Variants in FHIP2A observed in about 807,000 individuals in gnomAD.
FHIP2A encodes the protein family with sequence similarity 160 member B1.
Under a neutral mutation model 93.5 loss-of-function variants are expected in FHIP2A, and 46 were observed. That is an observed-to-expected ratio of 0.49 (90% CI 0.39 to 0.63). The LOEUF (loss-of-function observed/expected upper bound fraction) is 0.63, where lower values mean the gene tolerates loss of function less well. Ranked by LOEUF, FHIP2A falls within the 20% of genes least tolerant of loss-of-function variation. FHIP2A has a pLI of 0.00. For missense variants in FHIP2A, 769 were observed against 909.7 expected (o/e 0.85, Z 1.99); for synonymous variants, 332 against 326.5 (o/e 1.02, Z -0.18).
chr10:114,853,764 C>T lies in FHIP2A; in HGVS notation c.1804-1433C>T, dbSNP rs1478601797. Among the ~76,000 whole-genome samples the T allele has an allele frequency of 3.9e-5, 6 of 152,000 alleles. 1 individual carries two copies. The highest frequency in any genetic ancestry group is 1.3e-4 in the Admixed American group (2 of 15,262). On this transcript the variant is annotated intron_variant, in intron 13 of 16. Coordinates refer to ENST00000369248, the MANE Select transcript of FHIP2A (RefSeq NM_020940.4). ...CTGTAATCCTAGCACTTTGGGAGGC[C>T]GAGGCGGGCAGATCACTTGAGGTCA...
downstream of FHIP2A, among the ~76,000 whole-genome samples, chr10:114,867,223 A>G (rs1225966560): frequency 1.3e-5 from 2 of 151,230 alleles, no homozygotes; most frequent in African/African-American, 4.9e-5. Context: ...AAAAAAAAAA[A>G]GAAGTTATAA....
intron 16 of FHIP2A, among the ~76,000 whole-genome samples, chr10:114,876,091 G>T (rs2083887851): frequency 6.6e-6 from 1 of 152,142 alleles, no homozygotes; most frequent in Non-Finnish European, 1.5e-5. Context: ...GAGACCCGGG[G>T]CCCCCACCCT....
At chr10:114,841,347 C>CA (rs1364280970) in intron 5 of FHIP2A, among the ~76,000 whole-genome samples, 1 of 133,884 alleles carries the variant, frequency 7.5e-6, no homozygotes, top group African/African-American at 2.9e-5. Context: ...GGCTGGAGTG[C>CA]AGTGGCATGA....
intron 16 of FHIP2A, among the ~76,000 whole-genome samples, chr10:114,893,549 C>T (rs1029512716): frequency 1.6e-4 from 24 of 152,310 alleles, no homozygotes; most frequent in African/African-American, 5.8e-4. Flanking sequence ...CCCTGAAAAT[C>T]TTCCAATCCC....
At chr10:114,855,434 T>A (rs1274722876) in intron 14 of FHIP2A, 94 bp downstream of exon 14, 1 of 1,104,946 alleles carries the variant, frequency 9.1e-7, no homozygotes, top group Non-Finnish European at 1.3e-6. Context: ...AAAGTACTTT[T>A]ATTGTTTTCT....
At chr10:114,847,297 A>G in intron 12 of FHIP2A, 64 bp downstream of exon 12, 2 of 1,473,712 alleles carry the variant, frequency 1.4e-6, no homozygotes, top group South Asian at 2.5e-5. Context: ...TATTAGTATT[A>G]TTATTTTTTG....
intron 16 of FHIP2A, among the ~76,000 whole-genome samples, chr10:114,875,360 G>A (rs1190108777): frequency 6.6e-6 from 1 of 152,148 alleles, no homozygotes; most frequent in African/African-American, 2.4e-5. Flanking sequence ...TAAGAAAGGG[G>A]AAGTGAAGAA....
In FHIP2A at chr10:114,821,872, C is replaced by A. The variant is rs2083525491; in HGVS notation, c.-207C>A. The A allele has an allele frequency of 7.1e-6, 2 of 283,140 alleles. No homozygotes were observed. The highest frequency in any genetic ancestry group is 5.3e-5 in the Admixed American group (1 of 18,784). The allele number at this position is 283,140 out of a possible 1,614,324, so 17.5% of individuals were successfully genotyped here. A position where few individuals can be genotyped will look rare whatever the true frequency, so the allele number is the denominator to read the frequency against. On this transcript the variant is annotated 5_prime_UTR_variant, in exon 1 of 17. Coordinates refer to ENST00000369248, the MANE Select transcript of FHIP2A (RefSeq NM_020940.4). ...CGAACGCCCTCCTCGCCGCCCGCCG[C>A]GTCCCGGCGCCCTCCGGAGCCGCCG... is the stretch of plus-strand genomic sequence containing the variant.
In FHIP2A at chr10:114,862,162, T is replaced by C. The variant is rs2083804223; in HGVS notation, c.*622T>C. 1.1e-6 allele frequency: 1 copy of C among 910,464 alleles called. No individual in the cohort carries two copies. The highest frequency in any genetic ancestry group is 1.3e-6 in the Non-Finnish European group (1 of 761,520). 56.4% of individuals were successfully genotyped at this position (910,464 alleles called of 1,614,324 possible). A position where few individuals can be genotyped will look rare whatever the true frequency, so the allele number is the denominator to read the frequency against. On this transcript the variant is annotated 3_prime_UTR_variant, in exon 17 of 17. Coordinates refer to ENST00000369248, the MANE Select transcript of FHIP2A (RefSeq NM_020940.4). Reference sequence around the variant, plus strand: ...TGATAAATTCTTGATTAATATAATATATCTATATTTTTAAAGAAATGTTCT... The same window carrying C: ...TGATAAATTCTTGATTAATATAATACATCTATATTTTTAAAGAAATGTTCT...
intron 13 of FHIP2A, among the ~76,000 whole-genome samples, chr10:114,849,367 C>T (rs970407659): frequency 6.6e-6 from 1 of 152,084 alleles, no homozygotes; most frequent in African/African-American, 2.4e-5. Context: ...CATACACAAG[C>T]CATTATCCTT....
intron 16 of FHIP2A, among the ~76,000 whole-genome samples, chr10:114,888,103 C>A (rs537829718): frequency 6.6e-6 from 1 of 152,318 alleles, no homozygotes; most frequent in Admixed American, 6.5e-5. Flanking sequence ...GACGACTCTG[C>A]TTCTATGGCC....
intron 16 of FHIP2A, among the ~76,000 whole-genome samples, chr10:114,872,671 C>A (rs1223265330): frequency 6.6e-6 from 1 of 152,166 alleles, no homozygotes; most frequent in African/African-American, 2.4e-5. Context: ...CCTTTTCATT[C>A]TTGGTGTAAA....
chr10:114,838,359 G>A (rs1050078405), intron 5 of FHIP2A, among the ~76,000 whole-genome samples: 2 of 152,060 alleles, frequency 1.3e-5, no homozygotes, highest in East Asian at 1.9e-4. Context: ...TAAGGACTAC[G>A]CATGCCCTTA....
intron 2 of FHIP2A, 72 bp from the exon 3 acceptor site, chr10:114,833,161 A>G: frequency 1.7e-6 from 2 of 1,194,308 alleles, no homozygotes; most frequent in Non-Finnish European, 1.2e-6. Flanking sequence ...AAAGGGAAAT[A>G]CAGAGTATTT....
At chr10:114,848,180 A>G (rs2083713362) in intron 12 of FHIP2A, among the ~76,000 whole-genome samples, 1 of 151,946 alleles carries the variant, frequency 6.6e-6, no homozygotes, top group African/African-American at 2.4e-5. Flanking sequence ...TCACTGATAT[A>G]CCTGGTTCTG....
chr10:114,856,189 C>G (rs1298057523), intron 14 of FHIP2A, among the ~76,000 whole-genome samples: 1 of 152,142 alleles, frequency 6.6e-6, no homozygotes, highest in African/African-American at 2.4e-5. Context: ...TCTTCAGTAA[C>G]TAGAAAGTCA....
At chr10:114,896,530 C>T (rs2084002280) in intron 16 of FHIP2A, among the ~76,000 whole-genome samples, 1 of 152,244 alleles carries the variant, frequency 6.6e-6, no homozygotes, top group Non-Finnish European at 1.5e-5. Context: ...CATCCCTCTG[C>T]TCACTGAGAT....
intron 16 of FHIP2A, among the ~76,000 whole-genome samples, chr10:114,878,497 G>C (rs1339388523): frequency 6.6e-6 from 1 of 152,186 alleles, no homozygotes; most frequent in Non-Finnish European, 1.5e-5. Flanking sequence ...GAGAAGCCTT[G>C]GCTGGGCGCA....
chr10:114,842,378 T>C (rs1371547491), intron 5 of FHIP2A, among the ~76,000 whole-genome samples: 1 of 152,270 alleles, frequency 6.6e-6, no homozygotes, highest in South Asian at 2.1e-4. Context: ...TGCGTTCTTA[T>C]AGAGTAGAGG....
Sources: allele counts gnomAD v4.1 joint callset (sites outside exome capture counted in the v4.1 genomes callset), GRCh38; gene constraint gnomAD v4.1.1; transcripts MANE v1.5; gene names NCBI Gene and HGNC (gene_info 2026-07-23, HGNC 2026-07-21).